The following MTMR7 variants were observed in gnomAD, a reference collection of about 807,000 sequenced individuals.
The protein encoded by MTMR7 is phosphatidylinositol-3-phosphate phosphatase MTMR7.
Under a neutral mutation model 81.2 loss-of-function variants are expected in MTMR7, and 76 were observed. The ratio of observed to expected loss-of-function variants is 0.94; its 90% confidence interval spans 0.78 to 1.13. The LOEUF is 1.13. MTMR7 is among the 50% of genes most tolerant of loss of function. The pLI is 0.00. For synonymous variants in MTMR7, 372 were observed against 289.8 expected (o/e 1.28, Z -2.88); for missense variants, 1,044 against 820.0 (o/e 1.27, Z -3.34).
chr8:17,371,095 T>C lies in MTMR7; in HGVS notation c.252A>G (p.Ile84Met), dbSNP rs769801809. 6.2e-7 allele frequency: 1 copy of C among 1,614,186 alleles called. No individual in the cohort carries two copies. Among genetic ancestry groups the C allele is most frequent in the Non-Finnish European group, 8.5e-7 (1 of 1,180,024 alleles). Residue 84 changes from isoleucine to methionine, a missense_variant, in exon 3 of 14, where the codon ATA becomes ATG. By Grantham distance (10) the Ile-to-Met change is conservative. Coordinates refer to ENST00000180173, the MANE Select transcript of MTMR7 (RefSeq NM_004686.5). Reference protein sequence around the residue: ...CKNFQIIQLIIPQERDCHDVY... With the variant: ...CKNFQIIQLIMPQERDCHDVY... Reference sequence around the variant, plus strand: ...CGTCGTGGCAATCTCTTTCCTGAGGTATGATGAGCTGTATTATCTGAAAGT... The same window carrying C: ...CGTCGTGGCAATCTCTTTCCTGAGGCATGATGAGCTGTATTATCTGAAAGT...
intron 7 of MTMR7, among the ~76,000 whole-genome samples, chr8:17,330,052 A>T (rs748578557): frequency 2.0e-5 from 3 of 152,236 alleles, no homozygotes; most frequent in Admixed American, 2.0e-4. Flanking sequence ...TGCAGCCCCA[A>T]ACAAGTTAAC....
intron 7 of MTMR7, among the ~76,000 whole-genome samples, 160 bp downstream of exon 7, chr8:17,330,990 G>A (rs1244118934): frequency 6.6e-6 from 1 of 152,154 alleles, no homozygotes; most frequent in Non-Finnish European, 1.5e-5. Flanking sequence ...TTACAAATAA[G>A]AGAAACGTTC....
At chr8:17,351,971 G>T (rs934357180) in intron 4 of MTMR7, among the ~76,000 whole-genome samples, 1 of 152,162 alleles carries the variant, frequency 6.6e-6, no homozygotes, top group Non-Finnish European at 1.5e-5. Context: ...TAAATGGTAA[G>T]ATACCTGTGT....
intron 2 of MTMR7, 185 bp downstream of exon 2, chr8:17,372,933 A>C (rs1820464169): frequency 4.9e-6 from 3 of 610,670 alleles, no homozygotes; most frequent in South Asian, 4.6e-5. Context: ...CATGTTTAAA[A>C]TGAATAGTCG....
chr8:17,361,306 A>C, intron 3 of MTMR7, 32 bp from the exon 4 acceptor site: 4 of 1,613,074 alleles, frequency 2.5e-6, no homozygotes, highest in Non-Finnish European at 3.4e-6. Context: ...AGTTAAATCA[A>C]GCTTAGTCAA....
chr8:17,345,633 G>C (rs937075028), intron 5 of MTMR7, among the ~76,000 whole-genome samples: 3 of 152,216 alleles, frequency 2.0e-5, no homozygotes, highest in African/African-American at 4.8e-5. Flanking sequence ...TCCATTAAAA[G>C]TAATGGCAAA....
chr8:17,345,937 A>G (rs984300273), intron 5 of MTMR7: 2 of 152,356 alleles, frequency 1.3e-5, no homozygotes, highest in East Asian at 1.9e-4. Flanking sequence ...GGGTAGGAAT[A>G]CATACTCTTT....
chr8:17,402,796 T>C (rs761097816), intron 1 of MTMR7, among the ~76,000 whole-genome samples: 6 of 152,132 alleles, frequency 3.9e-5, no homozygotes, highest in African/African-American at 7.2e-5. Flanking sequence ...TTTAGCTCTG[T>C]TTTTAGTTTT....
At chr8:17,361,465 C>G (rs1820059649) in intron 3 of MTMR7, among the ~76,000 whole-genome samples, 191 bp from the exon 4 acceptor site, 1 of 152,182 alleles carries the variant, frequency 6.6e-6, no homozygotes, top group Non-Finnish European at 1.5e-5. Context: ...ACAAGATGAC[C>G]TTGGGGTACC....
chr8:17,365,964 T>A (rs1820212155), intron 3 of MTMR7, among the ~76,000 whole-genome samples: 1 of 152,168 alleles, frequency 6.6e-6, no homozygotes, highest in Admixed American at 6.5e-5. Flanking sequence ...TTTTGGCTGA[T>A]CTTATTCTAG....
chr8:17,388,444 G>C (rs960377249), intron 1 of MTMR7, among the ~76,000 whole-genome samples: 4 of 152,164 alleles, frequency 2.6e-5, no homozygotes, highest in Admixed American at 2.6e-4. Flanking sequence ...AGATAGTTGG[G>C]TTCAAAACAA....
chr8:17,357,350 A>G (rs1273762425), intron 4 of MTMR7, among the ~76,000 whole-genome samples: 4 of 152,234 alleles, frequency 2.6e-5, no homozygotes, highest in Non-Finnish European at 5.9e-5. Context: ...TGTTTCTTAA[A>G]CGAAATGGAT....
intron 6 of MTMR7, among the ~76,000 whole-genome samples, chr8:17,332,816 TTATAGA>T (rs1266896475): frequency 6.6e-6 from 1 of 152,186 alleles, no homozygotes; most frequent in Admixed American, 6.5e-5. Context: ...TAAAACCAAC[TTATAGA>T]TATGTATTTA....
At chr8:17,337,533 T>C (rs1323164271) in intron 6 of MTMR7, among the ~76,000 whole-genome samples, 1 of 152,196 alleles carries the variant, frequency 6.6e-6, no homozygotes, top group Non-Finnish European at 1.5e-5. Flanking sequence ...ACCCTAGCAC[T>C]AATACGTGCC....
rs772465098 is a variant in MTMR7, at chr8:17,313,331, G to A, written c.936C>T (p.His312=). The change falls in exon 8 of 14, where the codon CAC becomes CAT. Residue 312 remains histidine, a synonymous_variant. Transcript: ENST00000180173. The part of the protein sequence containing the change: ...WGLENSGWLR[H]IKAIMDAGIF... ...TTCCTGCATCCATTATGGCTTTAAT[G>A]TGCCTTAACCAGCCAGAGTTCTCCA... 6.2e-7 allele frequency: 1 copy of A among 1,613,210 alleles called. No homozygotes were observed. The highest frequency in any genetic ancestry group is 1.1e-5 in the South Asian group (1 of 90,944).
Position 17,322,263 on chromosome 8 carries a change from G to A in MTMR7, c.866-8862C>T, listed in dbSNP as rs187906466. Among the ~76,000 whole-genome samples the A allele has an allele frequency of 1.4e-3, 213 of 152,308 alleles. 1 individual carries two copies. The highest frequency in any genetic ancestry group is 4.1e-3 in the South Asian group (20 of 4,832). On this transcript the variant is annotated intron_variant, in intron 7 of 13. Transcript: ENST00000180173. ...CCACCAGGTGAAGCCATTCAAAGAG[G>A]ACTTTATTATGGCCTGTACGAGCGA...
chr8:17,397,081 G>A (rs1821275529), intron 1 of MTMR7, among the ~76,000 whole-genome samples: 1 of 152,026 alleles, frequency 6.6e-6, no homozygotes, highest in South Asian at 2.1e-4. Context: ...TACCCAGGTA[G>A]TACACAGTGG....
At chr8:17,387,963 T>A (rs778158046) in intron 1 of MTMR7, among the ~76,000 whole-genome samples, 1 of 152,182 alleles carries the variant, frequency 6.6e-6, no homozygotes, top group Non-Finnish European at 1.5e-5. Context: ...AAGGAAATTT[T>A]AAAAATTCTC....
intron 2 of MTMR7, chr8:17,372,862 CA>C (rs113888878): frequency 0.011 from 3,953 of 363,040 alleles, 110 homozygotes; most frequent in East Asian, 0.069. Flanking sequence ...ACAGCTGTGA[CA>C]GGAAGCACTT....
Sources: gnomAD v4.1 joint callset for allele counts (sites outside exome capture counted in the v4.1 genomes callset) on GRCh38, gnomAD v4.1.1 for gene constraint, MANE v1.5 for transcripts, NCBI Gene and HGNC (gene_info 2026-07-23, HGNC 2026-07-21) for gene names.